CSMD1: variants seen among roughly 807,000 people sequenced by gnomAD.
CSMD1 encodes CUB and Sushi multiple domains 1, also known as CUB and sushi domain-containing protein 1.
A neutral mutation model predicts 417.5 loss-of-function variants in CSMD1; 213 were observed. That is an observed-to-expected ratio of 0.51 (90% CI 0.46 to 0.57). CSMD1 has a LOEUF of 0.57. CSMD1 is among the 20% of genes least tolerant of loss of function. The pLI, the probability that CSMD1 is intolerant of heterozygous loss-of-function variation, is 0.00. For missense variants in CSMD1, 6,923 were observed against 4,529.7 expected (o/e 1.53, Z -15.17); for synonymous variants, 2,862 against 1,736.8 (o/e 1.65, Z -16.11).
At chr8:3,359,413 A>C in intron 20 of CSMD1, 73 bp from the exon 21 acceptor site, 1 of 1,129,986 alleles carries the variant, frequency 8.8e-7, no homozygotes, top group Non-Finnish European at 1.2e-6. Context: ...GCAAGAATAA[A>C]AAGTGCTATT....
chr8:3,815,435 C>A (rs1044383499), intron 5 of CSMD1, among the ~76,000 whole-genome samples: 2 of 152,110 alleles, frequency 1.3e-5, no homozygotes, highest in Non-Finnish European at 2.9e-5. Context: ...GTATAATACA[C>A]TGACAGATAT....
intron 26 of CSMD1, among the ~76,000 whole-genome samples, chr8:3,273,475 T>C (rs1458800206): frequency 7.2e-6 from 1 of 138,220 alleles, no homozygotes; most frequent in Non-Finnish European, 1.6e-5. Flanking sequence ...TTCCCTCTTT[T>C]TCTATTGATT....
Position 3,471,329 on chromosome 8 carries a change from A to G in CSMD1, c.1449-2505T>C, listed in dbSNP as rs1274129646. Among the ~76,000 whole-genome samples, 6 of 152,106 alleles carry G rather than the reference A, an allele frequency of 3.9e-5. No individual in the cohort carries two copies. In the East Asian group the frequency reaches 1.2e-3, roughly 29 times the overall value. On this transcript the variant is annotated intron_variant, in intron 11 of 69. Transcript: ENST00000635120. ...CTTTTAAATACTGAAAACTCTCTTG[A>G]TATATTGTAGTACAGATACCAGTCC...
intron 3 of CSMD1, among the ~76,000 whole-genome samples, chr8:4,271,514 T>C (rs1424585393): frequency 6.6e-6 from 1 of 151,000 alleles, no homozygotes; most frequent in Non-Finnish European, 1.5e-5. Flanking sequence ...AATCAGGAGA[T>C]CTAAAATGAA....
At chr8:3,877,603 G>T (rs1805910869) in intron 5 of CSMD1, among the ~76,000 whole-genome samples, 1 of 152,128 alleles carries the variant, frequency 6.6e-6, no homozygotes, top group Non-Finnish European at 1.5e-5. Context: ...CTAACAACCA[G>T]AATCCACAAT....
chr8:4,159,116 A>C (rs1395046876), intron 3 of CSMD1, among the ~76,000 whole-genome samples: 1 of 152,006 alleles, frequency 6.6e-6, no homozygotes, highest in Non-Finnish European at 1.5e-5. Context: ...AGGCTTCTCC[A>C]TAGTTGGCAG....
Position 3,087,127 on chromosome 8 carries a change from G to T in CSMD1, c.7444C>A (p.Gln2482Lys). 2 of 1,613,586 alleles carry T rather than the reference G, an allele frequency of 1.2e-6. No homozygotes were observed. The highest frequency in any genetic ancestry group is 8.5e-7 in the Non-Finnish European group (1 of 1,179,838). Reference protein sequence around the residue: ...TCRRNPLGMYQWDSLTPLCQA... With the variant: ...TCRRNPLGMYKWDSLTPLCQA... ...CAGAGTGGCGTGAGGGAGTCCCACT[G>T]GTACATGCCAAGTGGGTTTCGTCTA... Residue 2482 changes from glutamine to lysine, a missense_variant, in exon 49 of 70, where the codon CAG becomes AAG. Coordinates refer to ENST00000635120, the MANE Select transcript of CSMD1 (RefSeq NM_033225.6).
intron 2 of CSMD1, among the ~76,000 whole-genome samples, chr8:4,479,394 G>C (rs1390871744): frequency 6.6e-6 from 1 of 151,806 alleles, no homozygotes; most frequent in African/African-American, 2.4e-5. Context: ...TTAGCAGGTA[G>C]AGCTTTCACT....
chr8:4,046,319 G>C (rs920594369), intron 3 of CSMD1, among the ~76,000 whole-genome samples: 1 of 152,084 alleles, frequency 6.6e-6, no homozygotes, highest in South Asian at 2.1e-4. Context: ...CTTTGTCCTG[G>C]AAGTTAGCTT....
intron 18 of CSMD1, among the ~76,000 whole-genome samples, chr8:3,385,438 TACTGA>T (rs1233170513): frequency 1.3e-5 from 2 of 151,800 alleles, no homozygotes; most frequent in African/African-American, 4.8e-5. Context: ...TGCAGCCACC[TACTGA>T]ACTGATTGTT....
At chr8:4,574,533 C>G (rs186971599) in intron 2 of CSMD1, among the ~76,000 whole-genome samples, 1 of 152,204 alleles carries the variant, frequency 6.6e-6, no homozygotes, top group Admixed American at 6.5e-5. Context: ...CTGTGATGGT[C>G]TCACTGGGAG....
intron 3 of CSMD1, among the ~76,000 whole-genome samples, chr8:4,185,768 C>G (rs563526198): frequency 6.6e-6 from 1 of 152,254 alleles, no homozygotes; most frequent in Non-Finnish European, 1.5e-5. Context: ...TAAAATATCC[C>G]CTACCAGTGG....
At chr8:3,870,495 A>T (rs970416686) in intron 5 of CSMD1, among the ~76,000 whole-genome samples, 1 of 152,090 alleles carries the variant, frequency 6.6e-6, no homozygotes, top group African/African-American at 2.4e-5. Context: ...TGAGGGATTA[A>T]TGTCTAAGAA....
chr8:3,054,659 G>A (rs1349746516), intron 49 of CSMD1, among the ~76,000 whole-genome samples: 1 of 152,126 alleles, frequency 6.6e-6, no homozygotes, highest in East Asian at 1.9e-4. Flanking sequence ...GTGTGCACAT[G>A]CATATTTACA....
chr8:3,672,732 G>A (rs73183320), intron 7 of CSMD1, among the ~76,000 whole-genome samples: 2 of 152,210 alleles, frequency 1.3e-5, no homozygotes, highest in East Asian at 1.9e-4. Flanking sequence ...GGCCATGGTG[G>A]ATGTATTTAA....
intron 10 of CSMD1, among the ~76,000 whole-genome samples, chr8:3,572,262 G>T (rs1799976338): frequency 6.6e-6 from 1 of 152,158 alleles, no homozygotes; most frequent in Non-Finnish European, 1.5e-5. Flanking sequence ...ACTCCTGCAG[G>T]CTTTGCAAAC....
chr8:4,395,886 T>C (rs1229543583), intron 3 of CSMD1, among the ~76,000 whole-genome samples: 1 of 152,222 alleles, frequency 6.6e-6, no homozygotes, highest in African/African-American at 2.4e-5. Flanking sequence ...GTAGTGTATC[T>C]AGAAACACAT....
chr8:4,209,468 T>C (rs890944887), intron 3 of CSMD1, among the ~76,000 whole-genome samples: 2 of 152,214 alleles, frequency 1.3e-5, no homozygotes, highest in African/African-American at 4.8e-5. Context: ...TCACATCTGC[T>C]AGTTCCCGAA....
At chr8:4,716,123 TGA>T (rs996871055) in intron 1 of CSMD1, among the ~76,000 whole-genome samples, 3 of 152,098 alleles carry the variant, frequency 2.0e-5, no homozygotes, top group African/African-American at 4.8e-5. Flanking sequence ...CACAGAGCTG[TGA>T]GATGACCTGC....
Sources: allele counts gnomAD v4.1 joint callset (sites outside exome capture counted in the v4.1 genomes callset), GRCh38; gene constraint gnomAD v4.1.1; transcripts MANE v1.5; gene names NCBI Gene and HGNC (gene_info 2026-07-23, HGNC 2026-07-21).